The following DEPDC5 variants were observed in gnomAD, a reference collection of about 807,000 sequenced individuals.
DEPDC5 encodes the protein GATOR1 complex protein DEPDC5.
In DEPDC5, 73 loss-of-function variants were observed where a neutral mutation model predicts 217.3. That is an observed-to-expected ratio of 0.34 (90% CI 0.28 to 0.41). DEPDC5 has a LOEUF of 0.41. DEPDC5 is among the 10% of genes least tolerant of loss of function. DEPDC5 has a pLI of 1.00. For missense variants in DEPDC5, 1,675 were observed against 2,070.1 expected (o/e 0.81, Z 3.70); for synonymous variants, 733 against 756.7 (o/e 0.97, Z 0.51).
chr22:31,766,839 C>G lies in DEPDC5; in HGVS notation c.363+171C>G, dbSNP rs1209414537. 2.0e-5 allele frequency among the ~76,000 whole-genome samples: 3 copies of G among 152,184 alleles called. No homozygotes were observed. The South Asian group carries it at 6.2e-4, about 32-fold the overall frequency. ...ATTCTCTTTTCACTGTTCTTTTGAT[C>G]TTTTGTTTACTGTTACAGATTTTTA... is the stretch of plus-strand genomic sequence containing the variant. On this transcript the variant is annotated intron_variant, in intron 6 of 42. Transcript: ENST00000651528.
chr22:31,879,505 C>T lies in DEPDC5; in HGVS notation c.3806-20C>T, dbSNP rs760307033. ...AGCATTTGTGTTGAGTACTCCTTCT[C>T]TCCCCTCCACTTTTCCCAGTGGCCA... On this transcript the variant is annotated intron_variant, in intron 37 of 42. Transcript: ENST00000651528. The T allele has an allele frequency of 1.9e-6, 3 of 1,603,140 alleles. No homozygotes were observed. The highest frequency in any genetic ancestry group is 2.5e-6 in the Non-Finnish European group (3 of 1,177,836).
rs145209965 is a variant in DEPDC5, at chr22:31,775,372, G to T, written c.414-2727G>T. Among the ~76,000 whole-genome samples, 398 of 151,954 alleles carry T rather than the reference G, an allele frequency of 2.6e-3. 3 individuals carry two copies. The highest frequency in any genetic ancestry group is 8.7e-3 in the African/African-American group (361 of 41,438). On this transcript the variant is annotated intron_variant, in intron 7 of 42. Coordinates refer to ENST00000651528, the MANE Select transcript of DEPDC5 (RefSeq NM_001242896.3). The stretch of plus-strand genomic sequence containing the variant: ...TTTTTGTGTTTTTAGTAAAGACAGG[G>T]TTTCACCATGTTGGCCAGGCTGGTG...
intron 37 of DEPDC5, among the ~76,000 whole-genome samples, chr22:31,876,961 T>A (rs1279568652): frequency 6.6e-6 from 1 of 151,944 alleles, no homozygotes; most frequent in Non-Finnish European, 1.5e-5. Flanking sequence ...AAGACCAACA[T>A]TGGGAAACCC....
chr22:31,779,291 A>G (rs1213799279), intron 8 of DEPDC5, among the ~76,000 whole-genome samples: 1 of 152,222 alleles, frequency 6.6e-6, no homozygotes, highest in Non-Finnish European at 1.5e-5. Context: ...AAATACATGT[A>G]TGTTTGTGCG....
At chr22:31,898,720 C>T (rs1204277085) in intron 40 of DEPDC5, among the ~76,000 whole-genome samples, 2 of 152,192 alleles carry the variant, frequency 1.3e-5, no homozygotes, top group Non-Finnish European at 2.9e-5. Context: ...AAAAGCCCAT[C>T]CGTGTATTTT....
At chr22:31,771,084 C>T (rs1962262420) in intron 7 of DEPDC5, among the ~76,000 whole-genome samples, 2 of 152,164 alleles carry the variant, frequency 1.3e-5, no homozygotes, top group South Asian at 4.2e-4. Flanking sequence ...GCACGCGGCC[C>T]CCATCAACTT....
Position 31,763,031 on chromosome 22 carries a change from C to T in DEPDC5, c.194-1944C>T, listed in dbSNP as rs1455776456. ...TTTGAGATGGAGTCTCACTCTGTCA[C>T]CCAGGCTGGAACGCAATGACATGGT... On this transcript the variant is annotated intron_variant, in intron 4 of 42. Coordinates refer to ENST00000651528, the MANE Select transcript of DEPDC5 (RefSeq NM_001242896.3). Among the ~76,000 whole-genome samples the T allele has an allele frequency of 2.0e-5, 3 of 151,670 alleles. No individual in the cohort carries two copies. In the East Asian group the frequency reaches 5.9e-4, roughly 30 times the overall value.
At chr22:31,794,790 G>T (rs369251439) in intron 12 of DEPDC5, among the ~76,000 whole-genome samples, 22 of 152,074 alleles carry the variant, frequency 1.4e-4, no homozygotes, top group African/African-American at 4.6e-4. Context: ...GGAGGCTGAG[G>T]TGGGAGGATC....
chr22:31,759,797 C>T (rs2082240505), intron 3 of DEPDC5, among the ~76,000 whole-genome samples: 1 of 150,994 alleles, frequency 6.6e-6, no homozygotes, highest in African/African-American at 2.4e-5. Context: ...ACTCTTCTGC[C>T]TCAGCCTGTC....
chr22:31,888,394 C>T (rs956749699), intron 38 of DEPDC5, among the ~76,000 whole-genome samples: 3 of 151,534 alleles, frequency 2.0e-5, no homozygotes, highest in African/African-American at 4.9e-5. Context: ...GGATTACAGG[C>T]GTGCACCACC....
chr22:31,782,505 G>A (rs1347817815), intron 8 of DEPDC5, among the ~76,000 whole-genome samples: 1 of 152,178 alleles, frequency 6.6e-6, no homozygotes, highest in Non-Finnish European at 1.5e-5. Flanking sequence ...TACATTTTAC[G>A]TTCCCTCTAA....
At chr22:31,828,409 G>A (rs898678759) in intron 24 of DEPDC5, among the ~76,000 whole-genome samples, 1 of 132,514 alleles carries the variant, frequency 7.5e-6, no homozygotes, top group African/African-American at 2.9e-5. Context: ...CCAAGGTCAC[G>A]CCATTGCACT....
intron 12 of DEPDC5, among the ~76,000 whole-genome samples, chr22:31,795,282 C>T (rs2086116865): frequency 6.6e-6 from 1 of 151,942 alleles, no homozygotes. Context: ...CTTGGCCAGG[C>T]TGGTCTTGAA....
intron 24 of DEPDC5, among the ~76,000 whole-genome samples, chr22:31,825,703 C>T (rs2090091641): frequency 6.6e-6 from 1 of 152,162 alleles, no homozygotes; most frequent in Admixed American, 6.5e-5. Flanking sequence ...TGTTCTCATC[C>T]CTTCTGATTC....
intron 24 of DEPDC5, among the ~76,000 whole-genome samples, chr22:31,824,822 A>T (rs1477196555): frequency 3.3e-5 from 5 of 151,976 alleles, no homozygotes; most frequent in Non-Finnish European, 7.4e-5. Flanking sequence ...CAAAAAAAAA[A>T]TAAAATAACT....
chr22:31,814,498 A>G (rs1363790939), intron 20 of DEPDC5: 20 of 160,142 alleles, frequency 1.2e-4, no homozygotes, highest in Admixed American at 1.2e-3. Flanking sequence ...GTGACAGTAG[A>G]ATGTCTTGCT....
chr22:31,799,021 A>G lies in DEPDC5; in HGVS notation c.946+365A>G, dbSNP rs868229617. Among the ~76,000 whole-genome samples the G allele has an allele frequency of 2.7e-5, 4 of 150,346 alleles. 1 individual carries two copies. The highest frequency in any genetic ancestry group is 7.0e-3 in the Middle Eastern group (2 of 284). On this transcript the variant is annotated intron_variant, in intron 14 of 42. Coordinates refer to ENST00000651528, the MANE Select transcript of DEPDC5 (RefSeq NM_001242896.3). Reference sequence around the variant, plus strand: ...ACTGCTGTCTTTCTCAAGAATCTATATTATTATCTTTAAAGCAAACTTACT... The same window carrying G: ...ACTGCTGTCTTTCTCAAGAATCTATGTTATTATCTTTAAAGCAAACTTACT...
At chr22:31,878,466 G>A (rs2093066646) in intron 37 of DEPDC5, among the ~76,000 whole-genome samples, 1 of 151,962 alleles carries the variant, frequency 6.6e-6, no homozygotes, top group South Asian at 2.1e-4. Context: ...CGCCTTGGAA[G>A]GCTGAGGTAT....
At chr22:31,837,503 A>G (rs892368276) in intron 26 of DEPDC5, among the ~76,000 whole-genome samples, 1 of 151,936 alleles carries the variant, frequency 6.6e-6, no homozygotes, top group Non-Finnish European at 1.5e-5. Context: ...TGGGAGTGGC[A>G]GCACCACATC....
Sources: allele counts gnomAD v4.1 joint callset (sites outside exome capture counted in the v4.1 genomes callset), GRCh38; gene constraint gnomAD v4.1.1; transcripts MANE v1.5; gene names NCBI Gene and HGNC (gene_info 2026-07-23, HGNC 2026-07-21).